The following PLEKHG3 variants were observed in gnomAD, a reference collection of about 807,000 sequenced individuals.
PLEKHG3 encodes the protein pleckstrin homology domain-containing family G member 3.
A neutral mutation model predicts 94.9 loss-of-function variants in PLEKHG3; 62 were observed. The ratio of observed to expected loss-of-function variants is 0.65; its 90% confidence interval spans 0.53 to 0.81. The LOEUF is 0.81. Among genes scored for constraint, PLEKHG3 ranks in the 30% least tolerant of loss-of-function variants. The pLI, the probability that PLEKHG3 is intolerant of heterozygous loss-of-function variation, is 0.00. For synonymous variants in PLEKHG3, 614 were observed against 654.0 expected (o/e 0.94, Z 0.93); for missense variants, 1,461 against 1,619.3 (o/e 0.90, Z 1.68).
Position 64,743,018 on chromosome 14 carries a change from A to G in PLEKHG3, c.2975A>G (p.Glu992Gly), listed in dbSNP as rs148250460. Residue 992 changes from glutamate to glycine, a missense_variant, in exon 17 of 17, where the codon GAG (glutamate) becomes GGG (glycine). By Grantham distance (98) the Glu-to-Gly change is moderately conservative. Transcript: ENST00000247226. This position sits in a 1 kb window ranked among gnomAD's most constrained non-coding sequence, Gnocchi z 7.2. ...RKPVLSLFDY[E>G]QLMAQEHSPP... ...CCGGTGCTGTCTCTATTTGACTATGAGCAGCTGATGGCCCAGGAGCACAGC... is the reference window on the plus strand; with the variant it reads ...CCGGTGCTGTCTCTATTTGACTATGGGCAGCTGATGGCCCAGGAGCACAGC... 2.9e-5 allele frequency: 47 copies of G among 1,612,914 alleles called. No individual in the cohort carries two copies. Among genetic ancestry groups the G allele is most frequent in the Non-Finnish European group, 3.8e-5 (45 of 1,179,664 alleles).
intron 12 of PLEKHG3, among the ~76,000 whole-genome samples, chr14:64,734,621 A>C (rs560956982): frequency 1.8e-4 from 27 of 152,334 alleles, no homozygotes; most frequent in African/African-American, 5.5e-4. Context: ...CATGGCTGAG[A>C]TTTTTAGCCT....
At chr14:64,709,729 CTGTG>C (rs3063746) in intron 1 of PLEKHG3, among the ~76,000 whole-genome samples, 10,421 of 143,886 alleles carry the variant, frequency 0.072, 393 homozygotes, top group Non-Finnish European at 0.09. Flanking sequence ...GGCTGTGAGA[CTGTG>C]TGTGTGTGTG....
rs1252138787 is a variant in PLEKHG3 at position 64,726,071 on chromosome 14, G to C, written c.-39-1522G>C. On this transcript the variant is annotated intron_variant, in intron 1 of 16. Coordinates refer to ENST00000247226, the MANE Select transcript of PLEKHG3 (RefSeq NM_001308147.2). This position sits in a 1 kb window ranked among gnomAD's most constrained non-coding sequence, Gnocchi z 5.1. ...GGGATATTGGAAGGTTCCTGGAGGG[G>C]GCGATGTCTAATTGGAGACCTAAAG... 6.6e-6 allele frequency among the ~76,000 whole-genome samples: 1 copy of C among 152,118 alleles called. No homozygotes were observed. Among genetic ancestry groups the C allele is most frequent in the Admixed American group, 6.5e-5 (1 of 15,268 alleles).
In PLEKHG3 at chr14:64,727,511, C is replaced by T; in HGVS notation, c.-39-82C>T. The T allele has an allele frequency of 2.0e-6, 1 of 493,602 alleles. No individual in the cohort carries two copies. The highest frequency in any genetic ancestry group is 3.8e-6 in the Non-Finnish European group (1 of 264,642). The allele number at this position is 493,602 out of a possible 1,614,324, so 30.6% of individuals were successfully genotyped here. A position where few individuals can be genotyped will look rare whatever the true frequency, so the allele number is the denominator to read the frequency against. ...AAATAATACCTTCCCACCCCACCTGCCCCCACCCCTGGCAACCGTCCCTCT... is the reference window on the plus strand; with the variant it reads ...AAATAATACCTTCCCACCCCACCTGTCCCCACCCCTGGCAACCGTCCCTCT... On this transcript the variant is annotated intron_variant, in intron 1 of 16. Coordinates refer to ENST00000247226, the MANE Select transcript of PLEKHG3 (RefSeq NM_001308147.2). This position sits in a 1 kb window ranked among gnomAD's most constrained non-coding sequence, Gnocchi z 6.0.
chr14:64,716,477 AC>A lies in PLEKHG3; in HGVS notation c.-39-11115del, dbSNP rs2081156111. 7.3e-6 allele frequency among the ~76,000 whole-genome samples: 1 copy of A among 137,506 alleles called. No homozygotes were observed. Among genetic ancestry groups the A allele is most frequent in the Non-Finnish European group, 1.6e-5 (1 of 64,418 alleles). The allele number at this position is 137,506 out of a possible 152,430, so 90.2% of individuals were successfully genotyped here. A position where few individuals can be genotyped will look rare whatever the true frequency, so the allele number is the denominator to read the frequency against. ...ACACACACACACACAACACACACAC[AC>A]ACAACACACACACACACAACACACA... On this transcript the variant is annotated intron_variant, in intron 1 of 16. Coordinates refer to ENST00000247226, the MANE Select transcript of PLEKHG3 (RefSeq NM_001308147.2). This position sits in a 1 kb window ranked among gnomAD's most constrained non-coding sequence, Gnocchi z 5.0.
At position 64,726,696 on chromosome 14, in the gene PLEKHG3, T is replaced by C. The variant is rs2081359979; in HGVS notation, c.-39-897T>C. On this transcript the variant is annotated intron_variant, in intron 1 of 16. Transcript: ENST00000247226. The surrounding 1 kb of genome is among the most constrained non-coding windows in gnomAD (Gnocchi z 5.1). ...CCGCCCAGCTGTGCCAAGGGGAGCTTACAGAGACTCACTGATGGCTTAGCC... is the reference window on the plus strand; with the variant it reads ...CCGCCCAGCTGTGCCAAGGGGAGCTCACAGAGACTCACTGATGGCTTAGCC... 6.6e-6 allele frequency among the ~76,000 whole-genome samples: 1 copy of C among 152,178 alleles called. No homozygotes were observed. Among genetic ancestry groups the C allele is most frequent in the Non-Finnish European group, 1.5e-5 (1 of 68,020 alleles).
At position 64,715,672 on chromosome 14, in the gene PLEKHG3, C is replaced by A; in HGVS notation, c.-40+10968C>A. 4.2e-6 allele frequency: 1 copy of A among 235,452 alleles called. No individual in the cohort carries two copies. 14.6% of individuals were successfully genotyped at this position (235,452 alleles called of 1,614,324 possible). A position where few individuals can be genotyped will look rare whatever the true frequency, so the allele number is the denominator to read the frequency against. ...TGCTGGTGAATGATCTGGCTTTGTT[C>A]TGAAGTCTTCAGTATTTGATTCCTG... On this transcript the variant is annotated intron_variant, in intron 1 of 16. Coordinates refer to ENST00000247226, the MANE Select transcript of PLEKHG3 (RefSeq NM_001308147.2). The surrounding 1 kb of genome is among the most constrained non-coding windows in gnomAD (Gnocchi z 4.4).
chr14:64,711,408 C>G (rs2081064135), intron 1 of PLEKHG3, among the ~76,000 whole-genome samples: 1 of 149,410 alleles, frequency 6.7e-6, no homozygotes, highest in African/African-American at 2.5e-5. Context: ...AACAAGAATG[C>G]TTTTTTTTTG....
rs145662527 is a variant in PLEKHG3 at position 64,727,631 on chromosome 14, G to T, written c.-1G>T. ...TGCCCTCCCCAGGCAGCAATGCCAG[G>T]ATGCCTGTGTCCACCTCCCTCCACC... On this transcript the variant is annotated 5_prime_UTR_variant, in exon 2 of 17. Coordinates refer to ENST00000247226, the MANE Select transcript of PLEKHG3 (RefSeq NM_001308147.2). This position sits in a 1 kb window ranked among gnomAD's most constrained non-coding sequence, Gnocchi z 6.0. The T allele has an allele frequency of 2.4e-5, 38 of 1,600,218 alleles. No homozygotes were observed. The Middle Eastern group carries it at 5.0e-4, about 21-fold the overall frequency.
At chr14:64,705,357 G>A (rs939813181) in intron 1 of PLEKHG3, among the ~76,000 whole-genome samples, 1 of 152,222 alleles carries the variant, frequency 6.6e-6, no homozygotes, top group African/African-American at 2.4e-5. Flanking sequence ...TTTTTAAGGC[G>A]TTAAATAGCT....
At chr14:64,710,277 G>T (rs572673106) in intron 1 of PLEKHG3, among the ~76,000 whole-genome samples, 2 of 152,286 alleles carry the variant, frequency 1.3e-5, no homozygotes, top group South Asian at 4.1e-4. Context: ...AGGACTCAAG[G>T]TCCTACATTT....
At position 64,738,168 on chromosome 14, in the gene PLEKHG3, G is replaced by A. The variant is rs768761320; in HGVS notation, c.1405-574G>A. On this transcript the variant is annotated intron_variant, in intron 14 of 16. Coordinates refer to ENST00000247226, the MANE Select transcript of PLEKHG3 (RefSeq NM_001308147.2). This position sits in a 1 kb window ranked among gnomAD's most constrained non-coding sequence, Gnocchi z 4.8. ...CGACTTTGCCAGCTCCCTGCTGGCC[G>A]CCCTCCACTGCTGGCACTATCGGGC... 14 of 1,292,150 alleles carry A rather than the reference G, an allele frequency of 1.1e-5. No individual in the cohort carries two copies. Among genetic ancestry groups the A allele is most frequent in the South Asian group, 9.9e-5 (8 of 81,176 alleles). 80.0% of individuals were successfully genotyped at this position (1,292,150 alleles called of 1,614,324 possible). A position where few individuals can be genotyped will look rare whatever the true frequency, so the allele number is the denominator to read the frequency against.
In PLEKHG3 at chr14:64,725,851, T is replaced by C. The variant is rs1201695731; in HGVS notation, c.-39-1742T>C. 3.3e-5 allele frequency among the ~76,000 whole-genome samples: 5 copies of C among 152,234 alleles called. No individual in the cohort carries two copies. The highest frequency in any genetic ancestry group is 7.3e-5 in the Non-Finnish European group (5 of 68,040). ...TAAGTAGGTCTTGAGGCGCTTGATC[T>C]GTACCTCAGTAAAAGCATCAGTTTG... On this transcript the variant is annotated intron_variant, in intron 1 of 16. Coordinates refer to ENST00000247226, the MANE Select transcript of PLEKHG3 (RefSeq NM_001308147.2). This position sits in a 1 kb window ranked among gnomAD's most constrained non-coding sequence, Gnocchi z 5.0.
chr14:64,731,248 C>T lies in PLEKHG3; in HGVS notation c.849+79C>T, dbSNP rs960969788. 11 of 1,483,106 alleles carry T rather than the reference C, an allele frequency of 7.4e-6. No individual in the cohort carries two copies. Among genetic ancestry groups the T allele is most frequent in the Non-Finnish European group, 9.3e-6 (10 of 1,073,890 alleles). The allele number at this position is 1,483,106 out of a possible 1,614,324, so 91.9% of individuals were successfully genotyped here. A position where few individuals can be genotyped will look rare whatever the true frequency, so the allele number is the denominator to read the frequency against. On this transcript the variant is annotated intron_variant, in intron 7 of 16. Transcript: ENST00000247226. The surrounding 1 kb of genome is among the most constrained non-coding windows in gnomAD (Gnocchi z 6.1). ...CCGCTGGGAAGAGGGACTGTGGCCACCCTGCTGGGATGAGCTGGGCAGTGG... is the reference window on the plus strand; with the variant it reads ...CCGCTGGGAAGAGGGACTGTGGCCATCCTGCTGGGATGAGCTGGGCAGTGG...
intron 12 of PLEKHG3, 23 bp from the exon 13 acceptor site, chr14:64,736,828 ACT>A (rs2081580767): frequency 1.3e-6 from 2 of 1,600,004 alleles, no homozygotes; most frequent in Non-Finnish European, 8.6e-7. Flanking sequence ...GCCCGCGCTG[ACT>A]CTGCTCATGC....
chr14:64,731,890 T>C lies in PLEKHG3; in HGVS notation c.1125+84T>C, dbSNP rs548615777. 34 of 1,025,956 alleles carry C rather than the reference T, an allele frequency of 3.3e-5. No homozygotes were observed. The highest frequency in any genetic ancestry group is 2.1e-4 in the Middle Eastern group (1 of 4,810). 63.6% of individuals were successfully genotyped at this position (1,025,956 alleles called of 1,614,324 possible). ...GGGACTCCTGGCTCCTCTGCTCACC[T>C]AGCTGCCCCAAGCCCCAGTGTCTCC... On this transcript the variant is annotated intron_variant, in intron 9 of 16. Coordinates refer to ENST00000247226, the MANE Select transcript of PLEKHG3 (RefSeq NM_001308147.2). This position sits in a 1 kb window ranked among gnomAD's most constrained non-coding sequence, Gnocchi z 6.1.
chr14:64,705,386 G>C (rs1278814336), intron 1 of PLEKHG3, among the ~76,000 whole-genome samples: 1 of 152,224 alleles, frequency 6.6e-6, no homozygotes, highest in Non-Finnish European at 1.5e-5. Context: ...TCTTCGGGGC[G>C]CCTTTGGAAC....
Position 64,742,317 on chromosome 14 carries a change from A to G in PLEKHG3, c.2800A>G (p.Ser934Gly). 6.2e-7 allele frequency: 1 copy of G among 1,613,082 alleles called. No homozygotes were observed. The highest frequency in any genetic ancestry group is 8.5e-7 in the Non-Finnish European group (1 of 1,180,038). The change falls in exon 16 of 17, where the codon AGC (serine) becomes GGC (glycine). Residue 934 changes from serine to glycine, a missense_variant. Ser to Gly is a moderately conservative substitution (Grantham distance 56). Coordinates refer to ENST00000247226, the MANE Select transcript of PLEKHG3 (RefSeq NM_001308147.2). ...GGTCTACCAGCTGGCCCGCCAGTAC[A>G]GCCTCCGGATCAAGAGCAACAAGCC... is the stretch of plus-strand genomic sequence containing the variant. ...NKVYQLARQY[S>G]LRIKSNKPVM...
Position 64,731,983 on chromosome 14 carries a change from G to A in PLEKHG3, c.1126-112G>A. 2.2e-6 allele frequency: 2 copies of A among 894,772 alleles called. No individual in the cohort carries two copies. The highest frequency in any genetic ancestry group is 2.5e-5 in the East Asian group (1 of 40,636). The allele number at this position is 894,772 out of a possible 1,614,324, so 55.4% of individuals were successfully genotyped here. On this transcript the variant is annotated intron_variant, in intron 9 of 16. Transcript: ENST00000247226. The surrounding 1 kb of genome is among the most constrained non-coding windows in gnomAD (Gnocchi z 6.1). ...AGTGAGGAGTCAGGTTAACCTCACA[G>A]AGGCCCCAGCATGGCCCCACTTTTT...
Sources: gnomAD v4.1 joint callset for allele counts (sites outside exome capture counted in the v4.1 genomes callset) on GRCh38, gnomAD v4.1.1 for gene constraint, Gnocchi (gnomAD v3.1) non-coding constraint, MANE v1.5 for transcripts, NCBI Gene and HGNC (gene_info 2026-07-23, HGNC 2026-07-21) for gene names.